Variants in TANC1 observed in about 807,000 individuals in gnomAD.
The protein encoded by TANC1 is protein TANC1.
A neutral mutation model predicts 149.7 loss-of-function variants in TANC1; 77 were observed. The observed-to-expected ratio is 0.51, with a 90% confidence interval of 0.43 to 0.62. The LOEUF is 0.62. Ranked by LOEUF, TANC1 falls within the 20% of genes least tolerant of loss-of-function variation. TANC1 has a pLI of 0.00. For missense variants in TANC1, 1,985 were observed against 2,321.8 expected (o/e 0.85, Z 2.98); for synonymous variants, 854 against 925.0 (o/e 0.92, Z 1.39).
intron 8 of TANC1, among the ~76,000 whole-genome samples, chr2:159,163,857 A>G (rs1417372201): frequency 6.6e-6 from 1 of 152,188 alleles, no homozygotes; most frequent in Non-Finnish European, 1.5e-5. Context: ...AAAATTCATT[A>G]CTGTTTATTA....
chr2:159,097,404 G>C (rs2046251081), intron 3 of TANC1, among the ~76,000 whole-genome samples: 1 of 152,146 alleles, frequency 6.6e-6, no homozygotes, highest in Middle Eastern at 3.2e-3. Context: ...ATTGAAACCA[G>C]ATCAGTTAGG....
chr2:158,973,137 A>T lies in TANC1; in HGVS notation c.-126+4355A>T, dbSNP rs571551041. Among the ~76,000 whole-genome samples the T allele has an allele frequency of 2.9e-3, 442 of 152,318 alleles. 2 individuals carry two copies. The highest frequency in any genetic ancestry group is 9.9e-3 in the African/African-American group (411 of 41,572). ...TCAAGGACAAAAGTGTTGCAGAGGG[A>T]TGACATAGTTCCTGGATTTTAGCAC... On this transcript the variant is annotated intron_variant, in intron 1 of 26. Transcript: ENST00000263635.
At chr2:159,215,346 G>A (rs562627931) in intron 19 of TANC1, among the ~76,000 whole-genome samples, 6 of 152,348 alleles carry the variant, frequency 3.9e-5, no homozygotes, top group African/African-American at 1.4e-4. Flanking sequence ...AGTCGGTAGA[G>A]ACTGTTCAGT....
At chr2:159,155,848 T>C (rs75012984) in intron 7 of TANC1, among the ~76,000 whole-genome samples, 54 of 152,324 alleles carry the variant, frequency 3.5e-4, no homozygotes, top group Non-Finnish European at 6.0e-4. Context: ...AGTATCTTGC[T>C]AGAGTTTGAT....
At chr2:159,065,725 C>T (rs2042598892) in intron 2 of TANC1, among the ~76,000 whole-genome samples, 171 bp from the exon 3 acceptor site, 1 of 151,724 alleles carries the variant, frequency 6.6e-6, no homozygotes, top group African/African-American at 2.4e-5. Flanking sequence ...GTGTCTTCAG[C>T]ATTTAGTTTC....
intron 5 of TANC1, among the ~76,000 whole-genome samples, chr2:159,137,712 C>G (rs2050911295): frequency 6.6e-6 from 1 of 152,184 alleles, no homozygotes; most frequent in African/African-American, 2.4e-5. Context: ...TATCAGTCAT[C>G]AAATGTCTAA....
intron 5 of TANC1, among the ~76,000 whole-genome samples, chr2:159,137,185 G>A (rs1430055131): frequency 6.6e-6 from 1 of 152,194 alleles, no homozygotes; most frequent in Non-Finnish European, 1.5e-5. Context: ...ATTGTGGGTG[G>A]TGGGAGATAC....
intron 5 of TANC1, chr2:159,148,239 G>A (rs1250619884): frequency 8.5e-5 from 13 of 152,216 alleles, no homozygotes; most frequent in Admixed American, 8.5e-4. Flanking sequence ...TCCCCTGATG[G>A]ATGCTGATTT....
At chr2:158,974,373 C>T (rs1327597458) in intron 1 of TANC1, among the ~76,000 whole-genome samples, 1 of 152,088 alleles carries the variant, frequency 6.6e-6, no homozygotes, top group East Asian at 1.9e-4. Flanking sequence ...TGCTTAAGTC[C>T]CTTATTAAAA....
intron 3 of TANC1, among the ~76,000 whole-genome samples, chr2:159,067,543 G>A (rs2042777619): frequency 6.6e-6 from 1 of 152,220 alleles, no homozygotes; most frequent in South Asian, 2.1e-4. Context: ...AGACCAAAAT[G>A]TCTTTCTTGT....
intron 1 of TANC1, among the ~76,000 whole-genome samples, chr2:158,974,024 C>T (rs2033283862): frequency 6.6e-6 from 1 of 152,212 alleles, no homozygotes; most frequent in Non-Finnish European, 1.5e-5. Context: ...CCGGCTGACT[C>T]TGAACTACAT....
chr2:159,128,893 G>A (rs1181730537), intron 4 of TANC1, among the ~76,000 whole-genome samples: 1 of 152,094 alleles, frequency 6.6e-6, no homozygotes, highest in Non-Finnish European at 1.5e-5. Context: ...ATTAGGAATT[G>A]GCTATTTAAT....
intron 22 of TANC1, among the ~76,000 whole-genome samples, chr2:159,223,385 T>A (rs1283266904): frequency 6.6e-6 from 1 of 152,226 alleles, no homozygotes. Context: ...TTGATCATTT[T>A]TGTAGAAATC....
intron 4 of TANC1, among the ~76,000 whole-genome samples, chr2:159,099,523 A>C (rs1170728178): frequency 1.3e-5 from 2 of 152,062 alleles, no homozygotes; most frequent in South Asian, 2.1e-4. Context: ...ACAAAACAAA[A>C]CAAAAAAACT....
At chr2:159,209,367 C>A (rs1385791334) in intron 19 of TANC1, among the ~76,000 whole-genome samples, 1 of 152,214 alleles carries the variant, frequency 6.6e-6, no homozygotes, top group African/African-American at 2.4e-5. Flanking sequence ...CTAATAGAAG[C>A]CTTCCCCTCG....
chr2:159,207,727 A>C lies in TANC1; in HGVS notation c.3244+8674A>C, dbSNP rs866017176. Among the ~76,000 whole-genome samples, 98 of 128,010 alleles carry C rather than the reference A, an allele frequency of 7.7e-4. 2 individuals are homozygous for C. In the South Asian group the frequency reaches 0.023, roughly 31 times the overall value. The allele number at this position is 128,010 out of a possible 152,430, so 84.0% of individuals were successfully genotyped here. On this transcript the variant is annotated intron_variant, in intron 19 of 26. Transcript: ENST00000263635. Reference sequence around the variant, plus strand: ...AAAAAAAAAAAAAAAAAAAAAAAAAACAACTCAGACTTAGCCACACTCCCT... The same window carrying C: ...AAAAAAAAAAAAAAAAAAAAAAAAACCAACTCAGACTTAGCCACACTCCCT...
intron 4 of TANC1, among the ~76,000 whole-genome samples, chr2:159,116,805 A>G (rs1337965416): frequency 6.6e-6 from 1 of 152,240 alleles, no homozygotes; most frequent in African/African-American, 2.4e-5. Context: ...TAGACACTGC[A>G]TGAACATTTT....
chr2:158,998,179 G>A (rs1044663917), intron 1 of TANC1, among the ~76,000 whole-genome samples: 4 of 151,828 alleles, frequency 2.6e-5, no homozygotes, highest in Non-Finnish European at 5.9e-5. Flanking sequence ...TGGGCACATC[G>A]AGGTTCCAGT....
At chr2:159,081,795 G>A (rs930645583) in intron 3 of TANC1, among the ~76,000 whole-genome samples, 4 of 152,264 alleles carry the variant, frequency 2.6e-5, no homozygotes, top group Admixed American at 6.5e-5. Context: ...CTGCCTTCAC[G>A]GTACTGTCCC....
Sources: gnomAD v4.1 joint callset for allele counts (sites outside exome capture counted in the v4.1 genomes callset) on GRCh38, gnomAD v4.1.1 for gene constraint, MANE v1.5 for transcripts, NCBI Gene and HGNC (gene_info 2026-07-23, HGNC 2026-07-21) for gene names.